PHF20: variants seen among roughly 807,000 people sequenced by gnomAD.
PHF20 encodes the protein PHD finger protein 20, also known as glioma-expressed antigen 2.
PHF20 carries 23 observed loss-of-function variants against 113.5 expected under a neutral mutation model. The ratio of observed to expected loss-of-function variants is 0.20; its 90% CI spans 0.15 to 0.29. PHF20 has a LOEUF of 0.29. Ranked by LOEUF, PHF20 falls within the 10% of genes least tolerant of loss-of-function variation. PHF20 has a pLI of 1.00. For missense variants in PHF20, 943 were observed against 1,219.6 expected (o/e 0.77, Z 3.38); for synonymous variants, 434 against 457.3 (o/e 0.95, Z 0.65).
intron 3 of PHF20, among the ~76,000 whole-genome samples, chr20:35,845,023 G>A (rs1346363238): frequency 6.6e-6 from 1 of 152,012 alleles, no homozygotes; most frequent in East Asian, 1.9e-4. Context: ...TTTTCATTCA[G>A]TCTTCACCAG....
intron 1 of PHF20, among the ~76,000 whole-genome samples, chr20:35,793,589 T>C (rs2041602547): frequency 6.6e-6 from 1 of 151,226 alleles, no homozygotes; most frequent in Non-Finnish European, 1.5e-5. Flanking sequence ...CGTGAGCCAT[T>C]GTGCCTGTCT....
intron 12 of PHF20, among the ~76,000 whole-genome samples, chr20:35,916,491 G>A (rs2055405851): frequency 6.6e-6 from 1 of 151,984 alleles, no homozygotes; most frequent in African/African-American, 2.4e-5. Flanking sequence ...TTTTTGAGAC[G>A]GAGTCTCACT....
intron 5 of PHF20, 78 bp downstream of exon 5, chr20:35,858,459 C>G: frequency 1.3e-6 from 1 of 763,156 alleles, no homozygotes; most frequent in Non-Finnish European, 2.2e-6. Flanking sequence ...AAAGACATTA[C>G]ATTTGTTTAT....
chr20:35,913,155 C>A, intron 10 of PHF20, 94 bp from the exon 11 acceptor site: 1 of 816,968 alleles, frequency 1.2e-6, no homozygotes, highest in Non-Finnish European at 2.0e-6. Flanking sequence ...CCAGGCAGAG[C>A]CAGACCCATC....
At chr20:35,886,916 T>G (rs771922524) in intron 9 of PHF20, among the ~76,000 whole-genome samples, 16 of 152,128 alleles carry the variant, frequency 1.1e-4, no homozygotes, top group Non-Finnish European at 2.2e-4. Flanking sequence ...TGAGGCCTCC[T>G]TATGGATGAA....
At chr20:35,836,977 C>T (rs6087737) in intron 2 of PHF20, among the ~76,000 whole-genome samples, 2 of 152,056 alleles carry the variant, frequency 1.3e-5, no homozygotes, top group African/African-American at 4.8e-5. Flanking sequence ...TGAGACCAGC[C>T]TGAGCAACAT....
intron 9 of PHF20, among the ~76,000 whole-genome samples, chr20:35,891,946 T>A (rs951585495): frequency 6.6e-6 from 1 of 152,088 alleles, no homozygotes; most frequent in Non-Finnish European, 1.5e-5. Context: ...CTTGGCTCAC[T>A]GCAACCTCCG....
chr20:35,867,343 A>C (rs578045884), intron 6 of PHF20, among the ~76,000 whole-genome samples: 2 of 151,930 alleles, frequency 1.3e-5, no homozygotes, highest in Admixed American at 1.3e-4. Flanking sequence ...CATTGTAACC[A>C]CCGCCTCCTG....
intron 2 of PHF20, among the ~76,000 whole-genome samples, chr20:35,803,684 A>ATATGTG (rs1555917992): frequency 5.5e-5 from 8 of 144,340 alleles, no homozygotes; most frequent in African/African-American, 1.9e-4. Flanking sequence ...GTATATATAT[A>ATATGTG]TGTGTGTGTG....
chr20:35,947,508 A>C lies in PHF20; in HGVS notation c.2920A>C (p.Thr974Pro). The change falls in exon 18 of 18, where the codon ACT becomes CCT. Residue 974 changes from threonine to proline, a missense_variant. By Grantham distance (38) the Thr-to-Pro change is conservative. Around this residue, in one of 3 missense-constraint regions of PHF20, gnomAD observed 349 missense variants for 412.3 expected, o/e 0.85. Transcript: ENST00000374012. ...AGTGTTGGAGAGCTGGCTGGACTACACTGGGGAACTGGAGCCCCCTGAGCC... is the reference window on the plus strand; with the variant it reads ...AGTGTTGGAGAGCTGGCTGGACTACCCTGGGGAACTGGAGCCCCCTGAGCC... Reference protein sequence around the residue: ...LDVLESWLDYTGELEPPEPLA... With the variant: ...LDVLESWLDYPGELEPPEPLA... 1 of 1,614,064 alleles carries C rather than the reference A, an allele frequency of 6.2e-7. No homozygotes were observed. Among genetic ancestry groups the C allele is most frequent in the Non-Finnish European group, 8.5e-7 (1 of 1,179,994 alleles).
chr20:35,916,923 A>G (rs1002005711), intron 12 of PHF20, among the ~76,000 whole-genome samples: 3 of 152,040 alleles, frequency 2.0e-5, no homozygotes, highest in Non-Finnish European at 4.4e-5. Flanking sequence ...CACCGTGCCC[A>G]GCTAATTTTT....
At position 35,820,277 on chromosome 20, in the gene PHF20, GTCAT is replaced by G. The variant is rs1335073289; in HGVS notation, c.83+18680_83+18683del. On this transcript the variant is annotated intron_variant, in intron 2 of 17. Coordinates refer to ENST00000374012, the MANE Select transcript of PHF20 (RefSeq NM_016436.5). ...TCAGAAAGATGACTTTTGATGCCAA[GTCAT>G]TCATTCAATGCTAGATGCTGGAGAA... Among the ~76,000 whole-genome samples, 7 of 152,286 alleles carry G rather than the reference GTCAT, an allele frequency of 4.6e-5. No homozygotes were observed. In the East Asian group the frequency reaches 1.4e-3, roughly 29 times the overall value.
At chr20:35,781,911 G>A (rs1240198166) in intron 1 of PHF20, among the ~76,000 whole-genome samples, 13 of 151,562 alleles carry the variant, frequency 8.6e-5, no homozygotes, top group Non-Finnish European at 1.3e-4. Context: ...TTGCTGCACT[G>A]CACTCCAGCC....
At chr20:35,881,048 C>CGTTTTTTTT (rs2054620632) in intron 9 of PHF20, among the ~76,000 whole-genome samples, 1 of 109,756 alleles carries the variant, frequency 9.1e-6, no homozygotes, top group Non-Finnish European at 1.8e-5. Context: ...CTCTAAATAC[C>CGTTTTTTTT]TTTTTTTTTT....
chr20:35,801,419 T>C, intron 1 of PHF20, 72 bp from the exon 2 acceptor site: 3 of 701,946 alleles, frequency 4.3e-6, no homozygotes, highest in Non-Finnish European at 5.0e-6. Context: ...TGTTTTTTTA[T>C]GTGTAGTGAA....
intron 1 of PHF20, chr20:35,782,263 T>C (rs1210373280): frequency 2.3e-4 from 2 of 8,826 alleles, no homozygotes; most frequent in Non-Finnish European, 6.6e-4. Flanking sequence ...TCTTGTTTTG[T>C]TTTTTTTTTC....
chr20:35,927,773 C>T lies in PHF20; in HGVS notation c.2005-7C>T, dbSNP rs747193736. On this transcript the variant is annotated splice_region_variant and splice_polypyrimidine_tract_variant and intron_variant, in intron 13 of 17. Transcript: ENST00000374012. ...TTTAATTTTTGTTGCTTCTTTAATT[C>T]TAACAGTGTGAAGAGTGCCAGTGCT... 21 of 1,605,736 alleles carry T rather than the reference C, an allele frequency of 1.3e-5. No individual in the cohort carries two copies. In the Admixed American group the frequency reaches 3.3e-4, roughly 25 times the overall value.
chr20:35,861,990 AC>A lies in PHF20; in HGVS notation c.421-1022del, dbSNP rs528034323. ...GAGGTCCTAGAAGAGAGATATGTACACAAATAAACTTAATTATAGTTTTGGA... is the reference window on the plus strand; with the variant it reads ...GAGGTCCTAGAAGAGAGATATGTACAAAATAAACTTAATTATAGTTTTGGA... On this transcript the variant is annotated intron_variant, in intron 5 of 17. Coordinates refer to ENST00000374012, the MANE Select transcript of PHF20 (RefSeq NM_016436.5). Among the ~76,000 whole-genome samples the A allele has an allele frequency of 1.2e-3, 179 of 152,322 alleles. 1 individual carries two copies. Among genetic ancestry groups the A allele is most frequent in the Middle Eastern group, 3.4e-3 (1 of 294 alleles).
intron 13 of PHF20, among the ~76,000 whole-genome samples, 189 bp from the exon 14 acceptor site, chr20:35,927,591 G>A (rs955067475): frequency 1.3e-5 from 2 of 152,170 alleles, no homozygotes; most frequent in Non-Finnish European, 1.5e-5. Context: ...TGTGGCTAGT[G>A]GCTACCATAC....
Sources: gnomAD v4.1 joint callset for allele counts (sites outside exome capture counted in the v4.1 genomes callset) on GRCh38, gnomAD v4.1.1 for gene constraint, gnomAD v4.1.1 regional missense constraint, MANE v1.5 for transcripts, NCBI Gene and HGNC (gene_info 2026-07-23, HGNC 2026-07-21) for gene names.